CHODL: variants seen among roughly 807,000 people sequenced by gnomAD.
CHODL encodes the protein chondrolectin, also known as transmembrane protein MT75.
In CHODL, 29 loss-of-function variants were observed where a neutral mutation model predicts 34.5. The observed-to-expected ratio is 0.84, with a 90% confidence interval of 0.63 to 1.15. The LOEUF is 1.15. Ranked by LOEUF, CHODL falls within the 50% of genes most tolerant of loss-of-function variation. The pLI, the probability that CHODL is intolerant of heterozygous loss-of-function variation, is 0.00. For missense variants in CHODL, 332 were observed against 332.5 expected (o/e 1.00, Z 0.01); for synonymous variants, 125 against 116.1 (o/e 1.08, Z -0.49).
chr21:18,078,282 C>T (rs1388226983), intron 2 of CHODL, among the ~76,000 whole-genome samples: 4 of 152,104 alleles, frequency 2.6e-5, no homozygotes, highest in Admixed American at 6.5e-5. Context: ...AAGGCACCTC[C>T]TATATGGCAG....
At chr21:18,075,086 T>C (rs1396665262) in intron 2 of CHODL, among the ~76,000 whole-genome samples, 1 of 152,220 alleles carries the variant, frequency 6.6e-6, no homozygotes, top group African/African-American at 2.4e-5. Context: ...ATTTGAATTT[T>C]TGAATGTATA....
intron 2 of CHODL, among the ~76,000 whole-genome samples, chr21:18,130,383 T>C (rs1359670400): frequency 6.6e-6 from 1 of 152,244 alleles, no homozygotes; most frequent in Non-Finnish European, 1.5e-5. Context: ...CTCTATCTTC[T>C]CTCAGCCTTT....
intron 2 of CHODL, among the ~76,000 whole-genome samples, chr21:18,143,468 G>A (rs377471826): frequency 6.6e-6 from 1 of 151,672 alleles, no homozygotes; most frequent in Non-Finnish European, 1.5e-5. Flanking sequence ...AATGGGTACC[G>A]TTGAAAATAA....
Position 18,159,744 on chromosome 21 carries a change from C to T in CHODL, c.-44-96765C>T, listed in dbSNP as rs1330391331. Among the ~76,000 whole-genome samples the T allele has an allele frequency of 2.6e-5, 4 of 152,226 alleles. No homozygotes were observed. The East Asian group carries it at 7.7e-4, about 29-fold the overall frequency. ...GATCTATAAGTGGGCCAAATCTAAC[C>T]ATGTGAGTCCTTAAAAATGGAGCAC... On this transcript the variant is annotated intron_variant, in intron 2 of 6. Transcript: ENST00000400127.
At chr21:18,195,077 T>A (rs146413165) in intron 2 of CHODL, among the ~76,000 whole-genome samples, 1 of 150,474 alleles carries the variant, frequency 6.6e-6, no homozygotes, top group Admixed American at 6.6e-5. Flanking sequence ...ATTTTTGACA[T>A]GGAGTCTCTC....
chr21:17,930,877 T>C (rs1178524585), intron 1 of CHODL, among the ~76,000 whole-genome samples: 3 of 152,172 alleles, frequency 2.0e-5, no homozygotes, highest in Non-Finnish European at 4.4e-5. Flanking sequence ...GTTGTCTGTA[T>C]TGAGCTGAGG....
Position 18,253,489 on chromosome 21 carries a change from T to C in CHODL, c.80-3020T>C, listed in dbSNP as rs1396934224. Among the ~76,000 whole-genome samples, 8 of 152,222 alleles carry C rather than the reference T, an allele frequency of 5.3e-5. No homozygotes were observed. The South Asian group carries it at 1.0e-3, about 20-fold the overall frequency. On this transcript the variant is annotated intron_variant, in intron 1 of 5. Coordinates refer to ENST00000299295, the MANE Select transcript of CHODL (RefSeq NM_024944.3). ...AGATATATTTGGACACTTAGAACTA[T>C]GTAAAGGATGTAGTAGATGAAAATG...
At chr21:18,098,799 C>G (rs1264237518) in intron 2 of CHODL, among the ~76,000 whole-genome samples, 7 of 152,076 alleles carry the variant, frequency 4.6e-5, no homozygotes. Flanking sequence ...GCACTGCTCA[C>G]AGTAGCCAAG....
At chr21:17,959,308 A>G (rs1445096305) in intron 1 of CHODL, among the ~76,000 whole-genome samples, 1 of 152,156 alleles carries the variant, frequency 6.6e-6, no homozygotes, top group Non-Finnish European at 1.5e-5. Context: ...GAGGCTTTCC[A>G]ATCAAGTTTA....
chr21:18,179,634 A>G (rs1368815197), intron 2 of CHODL, among the ~76,000 whole-genome samples: 3 of 152,166 alleles, frequency 2.0e-5, no homozygotes, highest in African/African-American at 2.4e-5. Context: ...GTAGGGACCA[A>G]TTATGTCTGA....
chr21:18,106,447 T>C (rs1317912140), intron 2 of CHODL, among the ~76,000 whole-genome samples: 1 of 152,160 alleles, frequency 6.6e-6, no homozygotes, highest in Non-Finnish European at 1.5e-5. Flanking sequence ...ATACATACTT[T>C]TGAAATATTT....
intron 2 of CHODL, among the ~76,000 whole-genome samples, chr21:18,045,392 C>A (rs1192707064): frequency 6.6e-6 from 1 of 151,874 alleles, no homozygotes; most frequent in Non-Finnish European, 1.5e-5. Context: ...CCGGTGAAAA[C>A]TGTCTTTACA....
chr21:18,134,429 A>G (rs1034899499), intron 2 of CHODL: 14 of 489,528 alleles, frequency 2.9e-5, no homozygotes, highest in Admixed American at 2.6e-4. Flanking sequence ...GTTTGCTATC[A>G]TTTCTGTGGC....
intron 1 of CHODL, among the ~76,000 whole-genome samples, chr21:17,987,188 C>CAATCTCAGCCT (rs1203189172): frequency 6.6e-6 from 1 of 152,088 alleles, no homozygotes; most frequent in Non-Finnish European, 1.5e-5. Flanking sequence ...CCCACTAGCC[C>CAATCTCAGCCT]AATCTCAGCC....
intron 2 of CHODL, among the ~76,000 whole-genome samples, chr21:18,047,701 G>T (rs1600935197): frequency 6.6e-6 from 1 of 151,830 alleles, no homozygotes; most frequent in East Asian, 1.9e-4. Flanking sequence ...ATTGGATTCA[G>T]CCTCAATGTA....
At chr21:18,081,857 T>A (rs996511686) in intron 2 of CHODL, among the ~76,000 whole-genome samples, 1 of 152,320 alleles carries the variant, frequency 6.6e-6, no homozygotes, top group East Asian at 1.9e-4. Context: ...AGGAATTTTA[T>A]CACAAAGCAA....
intron 2 of CHODL, among the ~76,000 whole-genome samples, chr21:18,079,475 A>T (rs1186026440): frequency 6.7e-6 from 1 of 148,818 alleles, no homozygotes; most frequent in Admixed American, 6.8e-5. Flanking sequence ...TATCACATAT[A>T]TATACCATAT....
rs185143405 is a variant in CHODL at position 18,200,111 on chromosome 21, A to T, written c.-44-56398A>T. On this transcript the variant is annotated intron_variant, in intron 2 of 6. Coordinates refer to the CHODL transcript ENST00000400127. ...TCTATTTGTTCTGCATTCTTGCAGCATTTGATATTGTAATTTTTTTTTTAT... is the reference window on the plus strand; with the variant it reads ...TCTATTTGTTCTGCATTCTTGCAGCTTTTGATATTGTAATTTTTTTTTTAT... 2.0e-3 allele frequency among the ~76,000 whole-genome samples: 301 copies of T among 152,192 alleles called. 2 individuals carry two copies. Among genetic ancestry groups the T allele is most frequent in the Middle Eastern group, 0.01 (3 of 294 alleles).
At chr21:18,133,134 G>A (rs1037695626) in intron 2 of CHODL, among the ~76,000 whole-genome samples, 6 of 151,934 alleles carry the variant, frequency 3.9e-5, no homozygotes, top group African/African-American at 9.7e-5. Flanking sequence ...AGCGGTGTAT[G>A]TCTATGCAGA....
Sources: allele counts gnomAD v4.1 joint callset (sites outside exome capture counted in the v4.1 genomes callset), GRCh38; gene constraint gnomAD v4.1.1; transcripts MANE v1.5; gene names NCBI Gene and HGNC (gene_info 2026-07-23, HGNC 2026-07-21).